The following KIAA1549L variants were observed in gnomAD, a reference collection of about 807,000 sequenced individuals.
KIAA1549L encodes the protein KIAA1549 like.
In KIAA1549L, 88 loss-of-function variants were observed where a neutral mutation model predicts 160.7. The ratio of observed to expected loss-of-function variants is 0.55; its 90% CI spans 0.46 to 0.65. The LOEUF is 0.65. KIAA1549L is among the 30% of genes least tolerant of loss of function. The probability of loss-of-function intolerance (pLI) is 0.00; values close to 1 mark genes in which losing one functional copy is unlikely to be tolerated. For synonymous variants in KIAA1549L, 950 were observed against 976.7 expected (o/e 0.97, Z 0.51); for missense variants, 2,258 against 2,437.5 (o/e 0.93, Z 1.55).
intron 10 of KIAA1549L, among the ~76,000 whole-genome samples, chr11:33,577,026 T>C (rs750492286): frequency 9.2e-5 from 14 of 152,122 alleles, no homozygotes; most frequent in Non-Finnish European, 1.8e-4. Flanking sequence ...CCCTGGGGAA[T>C]CCACATATGG....
chr11:33,648,256 A>T (rs1433874753), intron 17 of KIAA1549L, among the ~76,000 whole-genome samples: 1 of 152,096 alleles, frequency 6.6e-6, no homozygotes. Context: ...TCGGCCTCCC[A>T]AAGTGCTGGG....
At chr11:33,641,152 G>A (rs578194960) in intron 16 of KIAA1549L, among the ~76,000 whole-genome samples, 112 of 152,290 alleles carry the variant, frequency 7.4e-4, no homozygotes, top group Non-Finnish European at 1.1e-3. Flanking sequence ...GGAAACCCAC[G>A]TGGAAAAGCC....
intron 3 of KIAA1549L, among the ~76,000 whole-genome samples, chr11:33,545,955 C>A (rs896363418): frequency 6.6e-6 from 1 of 152,110 alleles, no homozygotes; most frequent in Admixed American, 6.5e-5. Context: ...TATGTGGGAG[C>A]CCAGGATTTC....
intron 16 of KIAA1549L, among the ~76,000 whole-genome samples, chr11:33,631,975 T>C (rs567738292): frequency 6.6e-6 from 1 of 152,288 alleles, no homozygotes; most frequent in South Asian, 2.1e-4. Flanking sequence ...ATGGGTCACG[T>C]TTCTAGCTCT....
rs946325904 is a variant in KIAA1549L, at chr11:33,668,362, C to T, written c.*208C>T. On this transcript the variant is annotated 3_prime_UTR_variant, in exon 21 of 21. Transcript: ENST00000658780. ...TCATCCAACTGATTGTGGGTCAAGT[C>T]CCTGGCTTGGGGCCTTATGTTTGAT... 1 of 600,134 alleles carries T rather than the reference C, an allele frequency of 1.7e-6. No homozygotes were observed. 37.2% of individuals were successfully genotyped at this position (600,134 alleles called of 1,614,324 possible).
At chr11:33,485,251 A>G (rs1852497336) in intron 1 of KIAA1549L, among the ~76,000 whole-genome samples, 1 of 152,208 alleles carries the variant, frequency 6.6e-6, no homozygotes, top group Non-Finnish European at 1.5e-5. Flanking sequence ...AAAATTTTCA[A>G]GAATCTGTAG....
intron 1 of KIAA1549L, among the ~76,000 whole-genome samples, chr11:33,464,539 C>T (rs75063034): frequency 0.046 from 6,875 of 150,200 alleles, 290 homozygotes; most frequent in East Asian, 0.17. Flanking sequence ...CCCCCACACA[C>T]GCATTTGTAC....
intron 5 of KIAA1549L, 51 bp from the exon 6 acceptor site, chr11:33,552,057 G>C: frequency 3.1e-6 from 5 of 1,601,552 alleles, no homozygotes; most frequent in Non-Finnish European, 4.3e-6. Context: ...TAAATCCAAG[G>C]AACTGAGACA....
chr11:33,491,288 G>C (rs994258064), intron 1 of KIAA1549L, among the ~76,000 whole-genome samples: 2 of 152,228 alleles, frequency 1.3e-5, no homozygotes, highest in African/African-American at 4.8e-5. Context: ...GCTATCAGCA[G>C]TCACACAGGG....
chr11:33,670,591 T>A lies in KIAA1549L; in HGVS notation c.*2437T>A, dbSNP rs957978514. 1.3e-5 allele frequency: 2 copies of A among 152,234 alleles called. No homozygotes were observed. Among genetic ancestry groups the A allele is most frequent in the Non-Finnish European group, 2.9e-5 (2 of 68,040 alleles). 9.4% of individuals were successfully genotyped at this position (152,234 alleles called of 1,614,324 possible). ...CAGTCTGTTCATGTTATCCCACTCA[T>A]GGGGAGACAGAGCCACTCTGGTCAG... On this transcript the variant is annotated 3_prime_UTR_variant, in exon 21 of 21. Coordinates refer to ENST00000658780, the MANE Select transcript of KIAA1549L (RefSeq NM_012194.3).
chr11:33,435,759 GATAT>G (rs71034686), intron 1 of KIAA1549L, among the ~76,000 whole-genome samples: 564 of 14,796 alleles, frequency 0.038, 63 homozygotes, highest in Admixed American at 0.045. Flanking sequence ...GAACCAATAA[GATAT>G]ATATATATAT....
At chr11:33,459,821 C>T (rs1306215506) in intron 1 of KIAA1549L, among the ~76,000 whole-genome samples, 7 of 150,162 alleles carry the variant, frequency 4.7e-5, no homozygotes, top group East Asian at 1.9e-4. Context: ...ATTAGCCGGG[C>T]GTAGTGGCGG....
intron 8 of KIAA1549L, among the ~76,000 whole-genome samples, chr11:33,564,932 G>A (rs1174085454): frequency 6.6e-6 from 1 of 152,248 alleles, no homozygotes; most frequent in African/African-American, 2.4e-5. Flanking sequence ...CAGTATGATT[G>A]TGAATAAAGA....
chr11:33,576,075 G>A (rs893966181), intron 10 of KIAA1549L, among the ~76,000 whole-genome samples: 6 of 152,144 alleles, frequency 3.9e-5, no homozygotes, highest in Non-Finnish European at 7.4e-5. Context: ...AGAGAGTGGG[G>A]GAAGGGGAAA....
intron 1 of KIAA1549L, among the ~76,000 whole-genome samples, chr11:33,468,920 A>C (rs1852117563): frequency 6.6e-6 from 1 of 152,200 alleles, no homozygotes; most frequent in East Asian, 1.9e-4. Context: ...AGGTAGAAAA[A>C]GTAAATGTTG....
chr11:33,520,773 T>C (rs939548729), intron 1 of KIAA1549L, among the ~76,000 whole-genome samples: 2 of 150,610 alleles, frequency 1.3e-5, no homozygotes, highest in South Asian at 4.2e-4. Flanking sequence ...GTAATTGTTT[T>C]TTCTTGTTTT....
intron 15 of KIAA1549L, among the ~76,000 whole-genome samples, chr11:33,614,049 A>G (rs1210059636): frequency 2.6e-5 from 4 of 152,122 alleles, no homozygotes; most frequent in African/African-American, 9.7e-5. Context: ...GGCAGCCACC[A>G]ACCAGAAGTG....
chr11:33,467,279 A>G (rs1017686340), intron 1 of KIAA1549L, among the ~76,000 whole-genome samples: 4 of 152,198 alleles, frequency 2.6e-5, no homozygotes, highest in African/African-American at 9.7e-5. Context: ...TCTACAATGT[A>G]TGGAGATGAG....
intron 6 of KIAA1549L, among the ~76,000 whole-genome samples, chr11:33,555,911 G>A (rs1025872289): frequency 1.3e-5 from 2 of 151,858 alleles, no homozygotes; most frequent in African/African-American, 4.8e-5. Context: ...TCATATATCT[G>A]GTAAGTAGTT....
Sources: allele counts gnomAD v4.1 joint callset (sites outside exome capture counted in the v4.1 genomes callset), GRCh38; gene constraint gnomAD v4.1.1; transcripts MANE v1.5; gene names NCBI Gene and HGNC (gene_info 2026-07-23, HGNC 2026-07-21).